RBM6: variants seen among roughly 807,000 people sequenced by gnomAD.
RBM6 encodes RNA binding motif protein 6.
RBM6 carries 23 observed loss-of-function variants against 140.4 expected under a neutral mutation model. The observed-to-expected ratio is 0.16, with a 90% CI of 0.12 to 0.23. The LOEUF is 0.23. RBM6 is among the 10% of genes least tolerant of loss of function. RBM6 has a pLI of 1.00. For missense variants in RBM6, 1,139 were observed against 1,386.7 expected (o/e 0.82, Z 2.84); for synonymous variants, 439 against 475.6 (o/e 0.92, Z 1.00).
chr3:49,992,681 A>G (rs1381141864), intron 5 of RBM6, among the ~76,000 whole-genome samples: 6 of 152,318 alleles, frequency 3.9e-5, no homozygotes, highest in African/African-American at 1.4e-4. Flanking sequence ...CTTGTGTGTT[A>G]TTCTAGTGAT....
intron 7 of RBM6, among the ~76,000 whole-genome samples, chr3:50,052,728 G>A (rs921699823): frequency 6.6e-6 from 1 of 152,168 alleles, no homozygotes; most frequent in Non-Finnish European, 1.5e-5. Flanking sequence ...CTACAGTTCT[G>A]TTCCACGTGG....
chr3:50,026,762 A>G (rs1430515587), intron 6 of RBM6, among the ~76,000 whole-genome samples: 3 of 151,956 alleles, frequency 2.0e-5, no homozygotes, highest in Non-Finnish European at 4.4e-5. Flanking sequence ...AAAATACAAA[A>G]ATTAGGCAGG....
chr3:49,955,509 T>C (rs2083939659), intron 1 of RBM6, among the ~76,000 whole-genome samples: 1 of 151,962 alleles, frequency 6.6e-6, no homozygotes, highest in Non-Finnish European at 1.5e-5. Context: ...GTGATTCTCC[T>C]GCCTTAGACT....
At chr3:50,063,300 CATCTAATACAAAA>C (rs2090008078) in intron 15 of RBM6, among the ~76,000 whole-genome samples, 2 of 152,104 alleles carry the variant, frequency 1.3e-5, no homozygotes, top group Admixed American at 6.6e-5. Flanking sequence ...AACATTTTTA[CATCTAATACAAAA>C]TCAAATTATT....
chr3:50,024,675 C>T (rs970548308), intron 6 of RBM6, among the ~76,000 whole-genome samples: 3 of 152,118 alleles, frequency 2.0e-5, no homozygotes, highest in Non-Finnish European at 2.9e-5. Flanking sequence ...AGTTTTTGGC[C>T]GGGCACGATG....
At chr3:50,003,323 A>C (rs1482832422) in intron 6 of RBM6, among the ~76,000 whole-genome samples, 1 of 150,952 alleles carries the variant, frequency 6.6e-6, no homozygotes, top group Admixed American at 6.6e-5. Flanking sequence ...AAAAAAAAAA[A>C]AAAAAAAAAG....
At chr3:49,950,911 C>T (rs1417974430) in intron 1 of RBM6, among the ~76,000 whole-genome samples, 2 of 152,074 alleles carry the variant, frequency 1.3e-5, no homozygotes, top group African/African-American at 4.8e-5. Flanking sequence ...TTCATAACAG[C>T]GTTATTCACA....
chr3:50,029,445 A>G (rs1559605913), intron 6 of RBM6, among the ~76,000 whole-genome samples: 1 of 152,160 alleles, frequency 6.6e-6, no homozygotes, highest in South Asian at 2.1e-4. Context: ...GGTTAAAGGA[A>G]TCATACCGGT....
chr3:49,971,243 G>A (rs2084776361), intron 3 of RBM6, among the ~76,000 whole-genome samples: 1 of 134,224 alleles, frequency 7.5e-6, no homozygotes, highest in African/African-American at 2.5e-5. Flanking sequence ...CTCCAGCCTG[G>A]GCAGCAAGAG....
chr3:49,992,658 A>G (rs570830099), intron 5 of RBM6, among the ~76,000 whole-genome samples: 3 of 152,252 alleles, frequency 2.0e-5, no homozygotes, highest in Non-Finnish European at 1.5e-5. Context: ...TACAGAACTA[A>G]GAAGCTACTT....
At chr3:50,034,988 T>TTC (rs1394524087) in intron 6 of RBM6, among the ~76,000 whole-genome samples, 34 of 132,308 alleles carry the variant, frequency 2.6e-4, no homozygotes, top group Admixed American at 1.0e-3. Context: ...TCCTCTCCTC[T>TTC]CCTCTTCCCT....
rs2085166472 is a variant in RBM6, at chr3:49,978,666, T to C, written c.1483+3274T>C. Reference sequence around the variant, plus strand: ...CAGGGGAATGTGTACTCAGACATAATACTTACGCTGCAAAATTATTAATAT... The same window carrying C: ...CAGGGGAATGTGTACTCAGACATAACACTTACGCTGCAAAATTATTAATAT... On this transcript the variant is annotated intron_variant, in intron 5 of 20. Coordinates refer to ENST00000266022, the MANE Select transcript of RBM6 (RefSeq NM_005777.3). 2.0e-5 allele frequency among the ~76,000 whole-genome samples: 3 copies of C among 152,188 alleles called. 1 individual carries two copies. The South Asian group carries it at 6.2e-4, about 32-fold the overall frequency.
chr3:49,982,651 C>G (rs2085364717), intron 5 of RBM6, among the ~76,000 whole-genome samples: 1 of 151,938 alleles, frequency 6.6e-6, no homozygotes, highest in Admixed American at 6.6e-5. Context: ...CTCCCGAGCT[C>G]AGGTGATCCA....
intron 4 of RBM6, among the ~76,000 whole-genome samples, chr3:49,974,460 C>T (rs1314377027): frequency 6.6e-6 from 1 of 150,516 alleles, no homozygotes; most frequent in African/African-American, 2.5e-5. Flanking sequence ...CAAGCTCCTT[C>T]TCCCGGGTTC....
At chr3:50,012,922 T>C (rs1430718536) in intron 6 of RBM6, among the ~76,000 whole-genome samples, 1 of 151,928 alleles carries the variant, frequency 6.6e-6, no homozygotes, top group Non-Finnish European at 1.5e-5. Context: ...TTATATTTTT[T>C]AGTGGAGACC....
At chr3:50,062,432 A>G (rs1447506094) in intron 15 of RBM6, among the ~76,000 whole-genome samples, 2 of 151,352 alleles carry the variant, frequency 1.3e-5, no homozygotes, top group African/African-American at 4.9e-5. Context: ...TGAACCCTGG[A>G]GGCAGAGGTT....
intron 2 of RBM6, 88 bp downstream of exon 2, chr3:49,962,773 C>A: frequency 3.1e-6 from 4 of 1,280,696 alleles, no homozygotes; most frequent in Non-Finnish European, 4.3e-6. Context: ...AAGATATTTT[C>A]TCTGTGGAGA....
At chr3:50,076,763 G>C (rs1168503264) in intron 20 of RBM6, among the ~76,000 whole-genome samples, 2 of 151,766 alleles carry the variant, frequency 1.3e-5, no homozygotes, top group Non-Finnish European at 2.9e-5. Flanking sequence ...GCAGGCGCCT[G>C]TAGTCCCAGC....
chr3:50,025,717 G>GC (rs1262081914), intron 6 of RBM6, among the ~76,000 whole-genome samples: 3 of 150,636 alleles, frequency 2.0e-5, no homozygotes, highest in African/African-American at 7.3e-5. Flanking sequence ...GAGCCACTGT[G>GC]CCCCACTGTT....
Sources: gnomAD v4.1 joint callset for allele counts (sites outside exome capture counted in the v4.1 genomes callset) on GRCh38, gnomAD v4.1.1 for gene constraint, MANE v1.5 for transcripts, NCBI Gene and HGNC (gene_info 2026-07-23, HGNC 2026-07-21) for gene names.